Variants in APAF1 observed in about 807,000 individuals in gnomAD.
The protein encoded by APAF1 is apoptotic protease-activating factor 1.
Under a neutral mutation model 152.4 loss-of-function variants are expected in APAF1, and 91 were observed. That is an observed-to-expected ratio of 0.60 (90% confidence interval 0.50 to 0.71). APAF1 has a LOEUF of 0.71. APAF1 is among the 30% of genes least tolerant of loss of function. The pLI, the probability that APAF1 is intolerant of heterozygous loss-of-function variation, is 0.00. For synonymous variants in APAF1, 484 were observed against 494.1 expected (o/e 0.98, Z 0.27); for missense variants, 1,283 against 1,472.0 (o/e 0.87, Z 2.10).
intron 16 of APAF1, among the ~76,000 whole-genome samples, chr12:98,693,927 CTG>C (rs2097707132): frequency 1.3e-5 from 2 of 151,652 alleles, no homozygotes; most frequent in African/African-American, 4.8e-5. Context: ...AAAGATGTCT[CTG>C]TTTTTCACTT....
chr12:98,665,592 G>T lies in APAF1; in HGVS notation c.995G>T (p.Arg332Leu), dbSNP rs769012939. 2 of 1,612,944 alleles carry T rather than the reference G, an allele frequency of 1.2e-6. No individual in the cohort carries two copies. The highest frequency in any genetic ancestry group is 2.2e-5 in the South Asian group (2 of 91,046). Residue 332 changes from arginine (R) to leucine (L), a missense_variant, in exon 8 of 27, where the codon CGT becomes CTT. Physicochemically the swap from Arg to Leu is moderately radical, Grantham distance 102. Transcript: ENST00000551964. ...LVVSLIGALL[R>L]DFPNRWEYYL... ...GTATCTTTAATTGGTGCACTTTTAC[G>T]TGATTTTCCCAATCGCTGGGAGTAC...
intron 8 of APAF1, 22 bp from the exon 9 acceptor site, chr12:98,666,168 A>G (rs759795819): frequency 1.2e-6 from 2 of 1,610,788 alleles, no homozygotes; most frequent in Non-Finnish European, 1.7e-6. Flanking sequence ...GTGGCATATT[A>G]AATACTTACA....
At chr12:98,720,831 G>A (rs375378839) in intron 22 of APAF1, among the ~76,000 whole-genome samples, 25 of 152,238 alleles carry the variant, frequency 1.6e-4, no homozygotes, top group African/African-American at 5.5e-4. Context: ...GCCAGGCGTG[G>A]TGACAGGCAC....
chr12:98,659,045 A>G (rs2097661334), intron 4 of APAF1, 115 bp from the exon 5 acceptor site: 1 of 988,840 alleles, frequency 1.0e-6, no homozygotes, highest in African/African-American at 1.6e-5. Flanking sequence ...AATCAAGAGA[A>G]GTTGAAGATG....
intron 16 of APAF1, among the ~76,000 whole-genome samples, chr12:98,688,383 C>G (rs1288898963): frequency 6.6e-6 from 1 of 152,120 alleles, no homozygotes; most frequent in African/African-American, 2.4e-5. Flanking sequence ...CTGCTCATGC[C>G]TGATAGCAAC....
In APAF1 at chr12:98,683,398, A is replaced by G; in HGVS notation, c.2178+124A>G. ...TCACAATGATAGAAACTACAATAAT[A>G]TATTAGCTGAAGCAAAAAAAAAATA... On this transcript the variant is annotated intron_variant, in intron 15 of 26. Coordinates refer to ENST00000551964, the MANE Select transcript of APAF1 (RefSeq NM_181861.2). The G allele has an allele frequency of 4.0e-6, 4 of 995,622 alleles. No homozygotes were observed. In the South Asian group the frequency reaches 4.2e-5, roughly 10 times the overall value. The allele number at this position is 995,622 out of a possible 1,614,324, so 61.7% of individuals were successfully genotyped here.
intron 7 of APAF1, among the ~76,000 whole-genome samples, chr12:98,665,278 A>ATATATATATATATAT (rs1491316422): frequency 3.2e-4 from 21 of 65,984 alleles, no homozygotes; most frequent in South Asian, 2.1e-3. Flanking sequence ...ATATATATAT[A>ATATATATATATATAT]TTTTTTTTTT....
At chr12:98,699,957 G>T (rs1414839567) in intron 17 of APAF1, among the ~76,000 whole-genome samples, 1 of 151,952 alleles carries the variant, frequency 6.6e-6, no homozygotes, top group African/African-American at 2.4e-5. Flanking sequence ...GATTACATTG[G>T]TTTAGGTGAT....
chr12:98,664,358 T>C (rs1386105013), intron 7 of APAF1, among the ~76,000 whole-genome samples: 1 of 152,026 alleles, frequency 6.6e-6, no homozygotes, highest in Non-Finnish European at 1.5e-5. Context: ...TTAGAAAAAA[T>C]GCTTAATTTG....
chr12:98,713,982 A>G (rs993577840), intron 21 of APAF1, among the ~76,000 whole-genome samples: 1 of 152,218 alleles, frequency 6.6e-6, no homozygotes, highest in Non-Finnish European at 1.5e-5. Context: ...TTTATTTATC[A>G]TTTGTTAAGA....
chr12:98,725,365 CT>C, intron 24 of APAF1, 49 bp from the exon 25 acceptor site: 1 of 1,611,838 alleles, frequency 6.2e-7, no homozygotes, highest in East Asian at 2.2e-5. Flanking sequence ...AAGGCAGATG[CT>C]TATTTTGAGT....
chr12:98,729,921 T>C (rs976979432), intron 26 of APAF1, among the ~76,000 whole-genome samples: 5 of 152,272 alleles, frequency 3.3e-5, no homozygotes, highest in African/African-American at 1.2e-4. Flanking sequence ...TATTTGATAA[T>C]ACAGTAGGGA....
chr12:98,649,367 T>G, intron 3 of APAF1, 120 bp from the exon 4 acceptor site: 1 of 1,364,252 alleles, frequency 7.3e-7, no homozygotes, highest in South Asian at 1.3e-5. Context: ...CCACATTTTC[T>G]TAACTTCTCT....
chr12:98,679,070 G>A (rs1384585170), intron 13 of APAF1, among the ~76,000 whole-genome samples: 1 of 152,216 alleles, frequency 6.6e-6, no homozygotes, highest in Non-Finnish European at 1.5e-5. Context: ...TGCTGGTGTG[G>A]ACTGAATGGA....
chr12:98,702,129 T>C (rs1294327590), intron 17 of APAF1, among the ~76,000 whole-genome samples: 2 of 151,974 alleles, frequency 1.3e-5, no homozygotes, highest in African/African-American at 4.8e-5. Context: ...GCAGTGGCGC[T>C]ATCTCGGTTC....
intron 21 of APAF1, among the ~76,000 whole-genome samples, chr12:98,713,079 A>G (rs189409398): frequency 7.9e-5 from 12 of 152,322 alleles, no homozygotes; most frequent in African/African-American, 2.9e-4. Flanking sequence ...TTGGCCTCCC[A>G]GAGTGTTGGG....
At chr12:98,650,874 C>T (rs148588457) in intron 4 of APAF1, among the ~76,000 whole-genome samples, 83 of 152,174 alleles carry the variant, frequency 5.5e-4, no homozygotes, top group Admixed American at 1.5e-3. Flanking sequence ...AATGAGTTTT[C>T]CTTTCAATAT....
intron 1 of APAF1, among the ~76,000 whole-genome samples, chr12:98,646,072 A>G (rs184090081): frequency 6.6e-6 from 1 of 152,346 alleles, no homozygotes; most frequent in East Asian, 1.9e-4. Flanking sequence ...TGTGGGTTAC[A>G]AAAGGTTTTG....
chr12:98,700,460 A>G (rs1159471585), intron 17 of APAF1, among the ~76,000 whole-genome samples: 3 of 152,220 alleles, frequency 2.0e-5, no homozygotes, highest in East Asian at 1.9e-4. Flanking sequence ...TAGTGCTACA[A>G]TCCTTGGATG....
Sources: gnomAD v4.1 joint callset for allele counts (sites outside exome capture counted in the v4.1 genomes callset) on GRCh38, gnomAD v4.1.1 for gene constraint, MANE v1.5 for transcripts, NCBI Gene and HGNC (gene_info 2026-07-23, HGNC 2026-07-21) for gene names.